The following EPB41 variants were observed in gnomAD, a reference collection of about 807,000 sequenced individuals.
EPB41 encodes the protein protein 4.1.
In EPB41, 65 loss-of-function variants were observed where a neutral mutation model predicts 108.0. The observed-to-expected ratio is 0.60, with a 90% CI of 0.49 to 0.74. EPB41 has a LOEUF of 0.74. Among genes scored for constraint, EPB41 ranks in the 30% least tolerant of loss-of-function variants. The pLI is 0.00. For synonymous variants in EPB41, 336 were observed against 358.9 expected (o/e 0.94, Z 0.72); for missense variants, 875 against 1,037.0 (o/e 0.84, Z 2.15).
intron 1 of EPB41, among the ~76,000 whole-genome samples, chr1:28,949,548 G>T (rs1216853285): frequency 1.3e-5 from 2 of 151,584 alleles, no homozygotes; most frequent in African/African-American, 4.9e-5. Flanking sequence ...TTATAAAAAT[G>T]GTATATTTTG....
intron 1 of EPB41, among the ~76,000 whole-genome samples, chr1:28,947,276 C>T (rs1007007087): frequency 6.6e-6 from 1 of 151,912 alleles, no homozygotes; most frequent in South Asian, 2.1e-4. Context: ...GGTGTGGTGG[C>T]GCGCGCCTGT....
intron 10 of EPB41, 95 bp from the exon 11 acceptor site, chr1:29,039,159 G>A: frequency 5.1e-6 from 7 of 1,382,412 alleles, no homozygotes; most frequent in South Asian, 1.3e-5. Context: ...TGAGAATTGT[G>A]AAACTTTTTT....
intron 1 of EPB41, among the ~76,000 whole-genome samples, chr1:28,898,745 C>T (rs758344069): frequency 1.8e-4 from 28 of 152,246 alleles, no homozygotes; most frequent in Non-Finnish European, 3.8e-4. Context: ...CCCTTGCCCG[C>T]CTTGGCCTTG....
chr1:29,099,831 C>T (rs995653586), intron 17 of EPB41, among the ~76,000 whole-genome samples: 1 of 152,196 alleles, frequency 6.6e-6, no homozygotes, highest in Admixed American at 6.5e-5. Context: ...ATAGTCCCTA[C>T]CCTCTGGAAC....
chr1:29,081,590 C>T (rs1431885371), intron 16 of EPB41, among the ~76,000 whole-genome samples: 1 of 152,160 alleles, frequency 6.6e-6, no homozygotes, highest in Non-Finnish European at 1.5e-5. Context: ...AATCCCAGTA[C>T]TTTGGGAGGC....
chr1:28,933,427 G>A (rs2093844154), intron 1 of EPB41, among the ~76,000 whole-genome samples: 1 of 152,174 alleles, frequency 6.6e-6, no homozygotes, highest in Admixed American at 6.5e-5. Context: ...TCAATGTTTA[G>A]CTGACTTCAA....
chr1:29,115,642 C>T lies in EPB41; in HGVS notation c.2497-57C>T, dbSNP rs1670685591. 2.8e-6 allele frequency: 4 copies of T among 1,411,578 alleles called. No individual in the cohort carries two copies. In the East Asian group the frequency reaches 6.8e-5, roughly 24 times the overall value. 87.4% of individuals were successfully genotyped at this position (1,411,578 alleles called of 1,614,324 possible). A position where few individuals can be genotyped will look rare whatever the true frequency, so the allele number is the denominator to read the frequency against. On this transcript the variant is annotated intron_variant, in intron 19 of 20. Coordinates refer to ENST00000343067, the MANE Select transcript of EPB41 (RefSeq NM_001376013.1). This position sits in a 1 kb window ranked among gnomAD's most constrained non-coding sequence, Gnocchi z 4.4. ...ACATCAGAGAAATGATGACCACTGCCTTCCTTCGCCATCAGGCTATTTTCT... is the reference window on the plus strand; with the variant it reads ...ACATCAGAGAAATGATGACCACTGCTTTCCTTCGCCATCAGGCTATTTTCT...
Position 29,053,128 on chromosome 1 carries a change from G to GT in EPB41, c.1661_1662insT (p.Ser555LysfsTer26). 6.2e-7 allele frequency: 1 copy of GT among 1,614,108 alleles called. No individual in the cohort carries two copies. On this transcript the variant is annotated frameshift_variant, in exon 12 of 21. Transcript: ENST00000343067. LOFTEE classifies it high-confidence loss of function. ...GCAGCAGCTGTCGATTCGGCAGACC[G>GT]AAGTCCTCGGCCCACTTCTGCACCT... is the stretch of plus-strand genomic sequence containing the variant.
chr1:28,901,687 C>A (rs1215895864), intron 1 of EPB41, among the ~76,000 whole-genome samples: 1 of 152,086 alleles, frequency 6.6e-6, no homozygotes, highest in Non-Finnish European at 1.5e-5. Context: ...GCACCCGCCA[C>A]CACGCCCATC....
At chr1:29,079,541 G>A (rs1655550699) in intron 16 of EPB41, among the ~76,000 whole-genome samples, 2 of 151,486 alleles carry the variant, frequency 1.3e-5, no homozygotes, top group South Asian at 4.2e-4. Context: ...TTCCCAAGTA[G>A]CTGGGATTGC....
At chr1:28,897,689 A>G (rs1488636285) in intron 1 of EPB41, among the ~76,000 whole-genome samples, 3 of 149,136 alleles carry the variant, frequency 2.0e-5, no homozygotes, top group African/African-American at 7.6e-5. Context: ...AAGGAAGGGA[A>G]GGAAAGGAAG....
chr1:28,976,149 A>G (rs2095603892), intron 1 of EPB41, among the ~76,000 whole-genome samples: 1 of 152,102 alleles, frequency 6.6e-6, no homozygotes, highest in African/African-American at 2.4e-5. Flanking sequence ...TAGCCTGATA[A>G]TTTACAACAG....
chr1:28,899,694 A>C (rs2091075572), intron 1 of EPB41, among the ~76,000 whole-genome samples: 1 of 152,146 alleles, frequency 6.6e-6, no homozygotes, highest in Non-Finnish European at 1.5e-5. Context: ...AAAATGGTAG[A>C]GTGGAAGGAA....
At chr1:28,931,966 C>G (rs970795609) in intron 1 of EPB41, among the ~76,000 whole-genome samples, 2 of 152,192 alleles carry the variant, frequency 1.3e-5, no homozygotes, top group Non-Finnish European at 2.9e-5. Context: ...AAATCTACTT[C>G]TGCATAGTAA....
In EPB41 at chr1:28,987,411, T is replaced by C; in HGVS notation, c.-7-20T>C. 1 of 1,610,980 alleles carries C rather than the reference T, an allele frequency of 6.2e-7. No individual in the cohort carries two copies. The highest frequency in any genetic ancestry group is 1.1e-5 in the South Asian group (1 of 91,010). On this transcript the variant is annotated intron_variant, in intron 1 of 20. Transcript: ENST00000343067. ...TGTTTTGCTTATAAGAGCCCCCCTT[T>C]TCTATCTTCTTTTTAATAGCAACAT...
chr1:28,888,878 C>T (rs1286944114), intron 1 of EPB41, among the ~76,000 whole-genome samples: 1 of 152,194 alleles, frequency 6.6e-6, no homozygotes, highest in African/African-American at 2.4e-5. Context: ...CCACCCACCT[C>T]GGCCTCCCAA....
chr1:28,924,284 T>G (rs775195190), intron 1 of EPB41, among the ~76,000 whole-genome samples: 3 of 152,240 alleles, frequency 2.0e-5, no homozygotes, highest in Non-Finnish European at 4.4e-5. Flanking sequence ...ATCCCAACAC[T>G]TTGGGAGGCC....
intron 1 of EPB41, among the ~76,000 whole-genome samples, chr1:28,954,583 CT>C (rs1232480578): frequency 6.6e-6 from 1 of 151,934 alleles, no homozygotes; most frequent in African/African-American, 2.4e-5. Context: ...TCTTAAGTAA[CT>C]TTTTTTTAAG....
intron 18 of EPB41, among the ~76,000 whole-genome samples, chr1:29,112,101 AC>A (rs2151719377): frequency 6.6e-6 from 1 of 152,264 alleles, no homozygotes; most frequent in South Asian, 2.1e-4. Flanking sequence ...CCTTTGCAGT[AC>A]CCAGCAGTAG....
Sources: allele counts gnomAD v4.1 joint callset (sites outside exome capture counted in the v4.1 genomes callset), GRCh38; gene constraint gnomAD v4.1.1; non-coding constraint Gnocchi (gnomAD v3.1); transcripts MANE v1.5; gene names NCBI Gene and HGNC (gene_info 2026-07-23, HGNC 2026-07-21).